The following ELAVL3 variants were observed in gnomAD, a reference collection of about 807,000 sequenced individuals.
ELAVL3 encodes ELAV like RNA binding protein 3, also known as ELAV-like protein 3.
Under a neutral mutation model 34.2 loss-of-function variants are expected in ELAVL3, and 8 were observed. The observed-to-expected ratio is 0.23, with a 90% CI of 0.14 to 0.42. The LOEUF is 0.42. ELAVL3 is among the 10% of genes least tolerant of loss of function. The pLI is 1.00. For synonymous variants in ELAVL3, 209 were observed against 222.1 expected, an observed-to-expected ratio of 0.94 and a Z score of 0.53; for missense variants, 273 against 518.8, an observed-to-expected ratio of 0.53 and a Z score of 4.60.
At chr19:11,465,969 G>A (rs184474429) in intron 3 of ELAVL3, among the ~76,000 whole-genome samples, 3 of 152,214 alleles carry the variant, frequency 2.0e-5, no homozygotes, top group Admixed American at 1.3e-4. Context: ...CCATTGACAG[G>A]TGAGGAAACT....
Position 11,458,536 on chromosome 19 carries a change from T to C in ELAVL3, c.409A>G (p.Ser137Gly), listed in dbSNP as rs1243383869. The change falls in exon 4 of 7, where the codon AGC becomes GGC. Residue 137 changes from serine to glycine, a missense_variant. This residue lies in a region of ELAVL3 where 102 missense variants were observed against 250.1 expected (regional missense o/e 0.41). Coordinates refer to ENST00000359227, the MANE Select transcript of ELAVL3 (RefSeq NM_001420.4). The surrounding 1 kb of genome is among the most constrained non-coding windows in gnomAD (Gnocchi z 7.3). ...AAGAGCTGCTCCATCTCTTTCTGGC[T>C]CATGGTCTTGGGGAGCCCGCTGACG... ...LYVSGLPKTMSQKEMEQLFSQ... is the reference protein window; with the variant it reads ...LYVSGLPKTMGQKEMEQLFSQ... 6.2e-7 allele frequency: 1 copy of C among 1,614,106 alleles called. No homozygotes were observed. Among genetic ancestry groups the C allele is most frequent in the Non-Finnish European group, 8.5e-7 (1 of 1,180,022 alleles).
At chr19:11,478,602 C>T (rs1388499915) in intron 1 of ELAVL3, among the ~76,000 whole-genome samples, 3 of 152,120 alleles carry the variant, frequency 2.0e-5, no homozygotes, top group African/African-American at 4.8e-5. Flanking sequence ...AAGTCTCCCC[C>T]GACTTTTGGT....
chr19:11,466,504 C>T lies in ELAVL3; in HGVS notation c.229+104G>A, dbSNP rs943073413. 2.3e-5 allele frequency: 31 copies of T among 1,344,472 alleles called. 1 individual carries two copies. Among genetic ancestry groups the T allele is most frequent in the African/African-American group, 4.3e-5 (3 of 69,348 alleles). The allele number at this position is 1,344,472 out of a possible 1,614,324, so 83.3% of individuals were successfully genotyped here. On this transcript the variant is annotated intron_variant, in intron 2 of 6. Coordinates refer to ENST00000359227, the MANE Select transcript of ELAVL3 (RefSeq NM_001420.4). This position sits in a 1 kb window ranked among gnomAD's most constrained non-coding sequence, Gnocchi z 5.0. The stretch of plus-strand genomic sequence containing the variant: ...CACATCCCTAGACCACCTCCTGCCT[C>T]GATTACCCCCGAGACACCTCAGCAA...
intron 6 of ELAVL3, among the ~76,000 whole-genome samples, chr19:11,456,456 C>T (rs1970770148): frequency 6.6e-6 from 1 of 151,846 alleles, no homozygotes. Flanking sequence ...TCTCTGTCTC[C>T]TCCCCCACTA....
intron 1 of ELAVL3, among the ~76,000 whole-genome samples, chr19:11,479,965 G>A (rs1470726854): frequency 6.8e-6 from 1 of 147,760 alleles, no homozygotes; most frequent in Non-Finnish European, 1.5e-5. Context: ...CCCCCTCCCC[G>A]CAGCCCGAGG....
At chr19:11,467,408 G>T (rs995058059) in intron 1 of ELAVL3, among the ~76,000 whole-genome samples, 1 of 152,072 alleles carries the variant, frequency 6.6e-6, no homozygotes, top group Non-Finnish European at 1.5e-5. Flanking sequence ...GGCAACAGGA[G>T]TGAAATTCCA....
intron 3 of ELAVL3, among the ~76,000 whole-genome samples, chr19:11,460,316 A>C (rs1970856464): frequency 1.3e-5 from 2 of 151,752 alleles, no homozygotes; most frequent in Admixed American, 1.3e-4. Context: ...GGACCAGTGC[A>C]GCAGCCTCCA....
intron 1 of ELAVL3, among the ~76,000 whole-genome samples, chr19:11,473,717 A>G (rs1971211112): frequency 6.6e-6 from 1 of 152,238 alleles, no homozygotes. Flanking sequence ...CAGCATATAA[A>G]TGGTGGAACA....
At chr19:11,474,757 T>A (rs1400862107) in intron 1 of ELAVL3, among the ~76,000 whole-genome samples, 1 of 152,158 alleles carries the variant, frequency 6.6e-6, no homozygotes, top group Non-Finnish European at 1.5e-5. Flanking sequence ...ACTCAAGCAA[T>A]CCTCTCATCT....
intron 1 of ELAVL3, among the ~76,000 whole-genome samples, chr19:11,474,406 C>G (rs55653026): frequency 6.6e-6 from 1 of 152,090 alleles, no homozygotes; most frequent in African/African-American, 2.4e-5. Flanking sequence ...ACCAGCCTTG[C>G]CAACATGGTG....
rs1970823422 is a variant in ELAVL3 at position 11,458,801 on chromosome 19, TAAC to T, written c.334-193_334-191del. On this transcript the variant is annotated intron_variant, in intron 3 of 6. Transcript: ENST00000359227. This position sits in a 1 kb window ranked among gnomAD's most constrained non-coding sequence, Gnocchi z 7.3. The stretch of plus-strand genomic sequence containing the variant: ...GGGAGAGGGGACATGGCAGTGGCTG[TAAC>T]AACTTGGACTGCCTGTATAGAGTGA... Among the ~76,000 whole-genome samples, 1 of 152,044 alleles carries T rather than the reference TAAC, an allele frequency of 6.6e-6. No individual in the cohort carries two copies. The highest frequency in any genetic ancestry group is 1.5e-5 in the Non-Finnish European group (1 of 67,998).
Position 11,452,802 on chromosome 19 carries a change from C to T in ELAVL3, c.*1724G>A, listed in dbSNP as rs1970681092. On this transcript the variant is annotated 3_prime_UTR_variant, in exon 7 of 7. Coordinates refer to ENST00000359227, the MANE Select transcript of ELAVL3 (RefSeq NM_001420.4). Reference sequence around the variant, plus strand: ...TGGGGTGGGGAGCGGTGCGAGGGCTCCCAGGGGCTCCGGCCTGTGGCTTCT... The same window carrying T: ...TGGGGTGGGGAGCGGTGCGAGGGCTTCCAGGGGCTCCGGCCTGTGGCTTCT... The T allele has an allele frequency of 6.6e-6, 1 of 151,688 alleles. No individual in the cohort carries two copies. Among genetic ancestry groups the T allele is most frequent in the Admixed American group, 6.6e-5 (1 of 15,246 alleles). The allele number at this position is 151,688 out of a possible 1,614,324, so 9.4% of individuals were successfully genotyped here.
chr19:11,461,009 CAAAAAAA>C (rs535847241), intron 3 of ELAVL3, among the ~76,000 whole-genome samples: 1,344 of 89,846 alleles, frequency 0.015, 16 homozygotes, highest in Non-Finnish European at 0.025. Flanking sequence ...ACAACCTCTA[CAAAAAAA>C]AAAAAAAAAA....
At chr19:11,457,195 C>T in intron 5 of ELAVL3, 47 bp from the exon 6 acceptor site, 1 of 1,531,508 alleles carries the variant, frequency 6.5e-7, no homozygotes, top group Admixed American at 2.1e-5. Context: ...AGTCACGCCC[C>T]CCTGCTGTGA....
rs1254137030 is a variant in ELAVL3 at position 11,452,702 on chromosome 19, A to G, written c.*1824T>C. On this transcript the variant is annotated 3_prime_UTR_variant, in exon 7 of 7. Coordinates refer to ENST00000359227, the MANE Select transcript of ELAVL3 (RefSeq NM_001420.4). ...CCATAGCCAGACACCAAACGTGGGG[A>G]CACCGGGGGAAGGCAACTTAACTAT... The G allele has an allele frequency of 6.6e-6, 1 of 151,584 alleles. No individual in the cohort carries two copies. Among genetic ancestry groups the G allele is most frequent in the Non-Finnish European group, 1.5e-5 (1 of 67,964 alleles). 9.4% of individuals were successfully genotyped at this position (151,584 alleles called of 1,614,324 possible).
chr19:11,466,714 G>A lies in ELAVL3; in HGVS notation c.123C>T (p.Leu41=), dbSNP rs1354950044. The change falls in exon 2 of 7, where the codon CTC becomes CTT. Residue 41 remains leucine (L), a synonymous_variant. Transcript: ENST00000359227. This position sits in a 1 kb window ranked among gnomAD's most constrained non-coding sequence, Gnocchi z 5.0. The part of the protein sequence containing the change: ...NGATDDSKTN[L]IVNYLPQNMT... ...TGTTCTGGGGCAGGTAGTTGACGATGAGGTTGGTCTTGCTGTCGTCAGTGG... is the reference window on the plus strand; with the variant it reads ...TGTTCTGGGGCAGGTAGTTGACGATAAGGTTGGTCTTGCTGTCGTCAGTGG... 1.9e-6 allele frequency: 3 copies of A among 1,614,118 alleles called. No individual in the cohort carries two copies. The highest frequency in any genetic ancestry group is 1.1e-5 in the South Asian group (1 of 91,090).
chr19:11,455,019 G>C (rs1970739436), intron 6 of ELAVL3, 142 bp from the exon 7 acceptor site: 4 of 938,826 alleles, frequency 4.3e-6, no homozygotes, highest in Non-Finnish European at 6.4e-6. Flanking sequence ...TTTTTTTAGA[G>C]ACACGGTCTC....
At chr19:11,457,036 G>C in intron 6 of ELAVL3, 74 bp downstream of exon 6, 1 of 1,336,012 alleles carries the variant, frequency 7.5e-7, no homozygotes, top group Non-Finnish European at 9.9e-7. Flanking sequence ...GCAGCCCTGG[G>C]GGTGAGCTGG....
At chr19:11,456,018 A>G (rs1325765136) in intron 6 of ELAVL3, among the ~76,000 whole-genome samples, 1 of 152,106 alleles carries the variant, frequency 6.6e-6, no homozygotes, top group Non-Finnish European at 1.5e-5. Flanking sequence ...TCCCACTGCT[A>G]GGAACTCCCT....
Sources: gnomAD v4.1 joint callset for allele counts (sites outside exome capture counted in the v4.1 genomes callset) on GRCh38, gnomAD v4.1.1 for gene constraint, gnomAD v4.1.1 regional missense constraint, Gnocchi (gnomAD v3.1) non-coding constraint, MANE v1.5 for transcripts, NCBI Gene and HGNC (gene_info 2026-07-23, HGNC 2026-07-21) for gene names.